The following ARHGEF12 variants were observed in gnomAD, a reference collection of about 807,000 sequenced individuals.
ARHGEF12 encodes the protein Rho guanine nucleotide exchange factor 12.
ARHGEF12 carries 66 observed loss-of-function variants against 211.2 expected under a neutral mutation model. That is an observed-to-expected ratio of 0.31 (90% CI 0.26 to 0.38). ARHGEF12 has a LOEUF of 0.38. Among genes scored for constraint, ARHGEF12 ranks in the 10% least tolerant of loss-of-function variants. The pLI is 1.00. For missense variants in ARHGEF12, 1,429 were observed against 1,869.5 expected (o/e 0.76, Z 4.34); for synonymous variants, 592 against 638.4 (o/e 0.93, Z 1.09).
chr11:120,428,761 T>C (rs543059141), intron 8 of ARHGEF12, among the ~76,000 whole-genome samples: 2 of 152,198 alleles, frequency 1.3e-5, no homozygotes, highest in East Asian at 3.9e-4. Flanking sequence ...AGAAGAACAA[T>C]AAATAGAAGG....
At chr11:120,456,967 A>G (rs1228273125) in intron 22 of ARHGEF12, 151 bp from the exon 23 acceptor site, 6 of 628,344 alleles carry the variant, frequency 9.5e-6, no homozygotes, top group Middle Eastern at 3.8e-4. Flanking sequence ...AATTTTGTAT[A>G]TTAAATTTTT....
At chr11:120,451,061 C>T (rs1476341310) in intron 21 of ARHGEF12, 4 of 154,590 alleles carry the variant, frequency 2.6e-5, no homozygotes, top group African/African-American at 4.8e-5. Flanking sequence ...TGTTTCTCTG[C>T]ATAACAATCC....
In ARHGEF12 at chr11:120,362,083, A is replaced by T. The variant is rs145877364; in HGVS notation, c.32+24808A>T. Among the ~76,000 whole-genome samples, 399 of 152,366 alleles carry T rather than the reference A, an allele frequency of 2.6e-3. 5 individuals are homozygous for T. Among genetic ancestry groups the T allele is most frequent in the Admixed American group, 0.02 (304 of 15,298 alleles). ...GAGATGCTGCCACCAAAGTACCAAG[A>T]AAGAATATCATGCTTGATGATAAAA... On this transcript the variant is annotated intron_variant, in intron 1 of 40. Transcript: ENST00000397843.
rs1943432370 is a variant in ARHGEF12 at position 120,366,777 on chromosome 11, G to A, written c.32+29502G>A. On this transcript the variant is annotated intron_variant, in intron 1 of 40. Transcript: ENST00000397843. ...CGCCTGTAATCTCAGCACTTTGAGA[G>A]GCCGAGGTGGGCGGATCATTTGAGG... Among the ~76,000 whole-genome samples the A allele has an allele frequency of 2.0e-5, 3 of 152,344 alleles. No homozygotes were observed. The South Asian group carries it at 6.2e-4, about 32-fold the overall frequency.
chr11:120,391,600 A>G, intron 1 of ARHGEF12, among the ~76,000 whole-genome samples: 1 of 152,264 alleles, frequency 6.6e-6, no homozygotes, highest in East Asian at 1.9e-4. Flanking sequence ...TGTTAGAACA[A>G]GGCTGAAACA....
chr11:120,376,374 A>G (rs1483652570), intron 1 of ARHGEF12, among the ~76,000 whole-genome samples: 1 of 152,168 alleles, frequency 6.6e-6, no homozygotes. Context: ...TTAGGTTCGT[A>G]TTTTAAGTAG....
chr11:120,442,435 CACACACACACACACACACACATATATAT>C (rs1945901876), intron 15 of ARHGEF12, among the ~76,000 whole-genome samples: 2 of 132,758 alleles, frequency 1.5e-5, no homozygotes, highest in African/African-American at 5.3e-5. Flanking sequence ...TATACACACA[CACACACACACACACACACACATATATAT>C]ACACACACAC....
At chr11:120,356,112 A>G (rs535678283) in intron 1 of ARHGEF12, among the ~76,000 whole-genome samples, 2 of 152,386 alleles carry the variant, frequency 1.3e-5, no homozygotes, top group South Asian at 4.1e-4. Flanking sequence ...GCAATCTATC[A>G]GTATGACTGC....
chr11:120,392,213 G>T (rs7107211), intron 1 of ARHGEF12, among the ~76,000 whole-genome samples: 3 of 151,900 alleles, frequency 2.0e-5, no homozygotes, highest in Non-Finnish European at 4.4e-5. Flanking sequence ...TGTACTAGCT[G>T]TTTCCTTTAC....
At chr11:120,401,156 T>C (rs1280535091) in intron 1 of ARHGEF12, among the ~76,000 whole-genome samples, 3 of 152,212 alleles carry the variant, frequency 2.0e-5, no homozygotes, top group African/African-American at 7.2e-5. Flanking sequence ...CGTTCAGACT[T>C]TTTTTTCTCC....
At chr11:120,420,667 C>A in intron 4 of ARHGEF12, 86 bp from the exon 5 acceptor site, 2 of 1,130,822 alleles carry the variant, frequency 1.8e-6, no homozygotes, top group Non-Finnish European at 2.6e-6. Flanking sequence ...CCAGATGGAA[C>A]ACAGTTTATT....
At chr11:120,359,762 C>T (rs1591498479) in intron 1 of ARHGEF12, among the ~76,000 whole-genome samples, 1 of 151,926 alleles carries the variant, frequency 6.6e-6, no homozygotes, top group African/African-American at 2.4e-5. Flanking sequence ...TTGGGGAGGA[C>T]AGAAGTACTT....
intron 1 of ARHGEF12, among the ~76,000 whole-genome samples, chr11:120,379,979 T>TG (rs1403924279): frequency 6.6e-6 from 1 of 152,196 alleles, no homozygotes; most frequent in Non-Finnish European, 1.5e-5. Flanking sequence ...GAAAATTTTT[T>TG]GGGAAGTGTC....
intron 1 of ARHGEF12, among the ~76,000 whole-genome samples, chr11:120,347,270 C>CTCTGTGTGTG (rs1225946177): frequency 7.5e-5 from 6 of 79,878 alleles, no homozygotes; most frequent in African/African-American, 2.8e-4. Flanking sequence ...CTCTCTCTGT[C>CTCTGTGTGTG]TGTGTGTGTG....
chr11:120,478,419 A>G, intron 37 of ARHGEF12, 30 bp downstream of exon 37: 4 of 1,577,364 alleles, frequency 2.5e-6, no homozygotes, highest in South Asian at 1.1e-5. Context: ...TATTACAGAT[A>G]CTTACTAAGT....
chr11:120,345,183 G>T (rs926150843), intron 1 of ARHGEF12, among the ~76,000 whole-genome samples: 1 of 152,136 alleles, frequency 6.6e-6, no homozygotes, highest in Non-Finnish European at 1.5e-5. Flanking sequence ...ACGGAAAGAG[G>T]GATGAGGAAG....
chr11:120,395,498 T>C (rs1944355071), intron 1 of ARHGEF12, among the ~76,000 whole-genome samples: 1 of 152,220 alleles, frequency 6.6e-6, no homozygotes, highest in South Asian at 2.1e-4. Context: ...GAAAGAATTA[T>C]AGATATGTTG....
chr11:120,469,445 T>C (rs1946804429), intron 30 of ARHGEF12, 57 bp downstream of exon 30: 3 of 1,341,810 alleles, frequency 2.2e-6, no homozygotes, highest in East Asian at 2.3e-5. Context: ...TAAATTAATA[T>C]TACCTGGAAT....
chr11:120,347,926 GAAAT>G (rs1942817525), intron 1 of ARHGEF12, among the ~76,000 whole-genome samples: 1 of 152,156 alleles, frequency 6.6e-6, no homozygotes. Flanking sequence ...TGCAGATTAG[GAAAT>G]AAATAATTAT....
Sources: gnomAD v4.1 joint callset for allele counts (sites outside exome capture counted in the v4.1 genomes callset) on GRCh38, gnomAD v4.1.1 for gene constraint, MANE v1.5 for transcripts, NCBI Gene and HGNC (gene_info 2026-07-23, HGNC 2026-07-21) for gene names.